Variants in SAMMSON observed in about 807,000 individuals in gnomAD.
SAMMSON encodes the protein long intergenic non-protein coding RNA 1212.
At chr3:70,332,131 A>T (rs1244991824) in intron 7 of SAMMSON, among the ~76,000 whole-genome samples, 5 of 152,242 alleles carry the variant, frequency 3.3e-5, no homozygotes, top group Admixed American at 1.3e-4. Context: ...AATGTAAGAC[A>T]ACTAAGCAGA....
At chr3:70,196,830 C>G (rs1701186345) in intron 4 of SAMMSON, 2 of 397,454 alleles carry the variant, frequency 5.0e-6, no homozygotes, top group East Asian at 7.1e-5. Flanking sequence ...GAAATGTGTA[C>G]AGTCCTTACA....
At chr3:70,320,709 C>G (rs1409690149) in intron 7 of SAMMSON, among the ~76,000 whole-genome samples, 2 of 152,064 alleles carry the variant, frequency 1.3e-5, no homozygotes, top group Non-Finnish European at 2.9e-5. Context: ...CAGACTGTGT[C>G]CGAAATGGGT....
intron 6 of SAMMSON, among the ~76,000 whole-genome samples, chr3:70,278,030 CCTAT>C (rs1435444217): frequency 2.6e-5 from 4 of 152,094 alleles, no homozygotes; most frequent in Non-Finnish European, 4.4e-5. Context: ...AACGTGTACA[CCTAT>C]CTAACCACCA....
At chr3:70,036,070 AT>A (rs2067084096) in intron 3 of SAMMSON, among the ~76,000 whole-genome samples, 1 of 152,134 alleles carries the variant, frequency 6.6e-6, no homozygotes, top group Admixed American at 6.6e-5. Flanking sequence ...AATGGTTTTA[AT>A]TTTTTTAAGC....
At chr3:70,184,139 G>C (rs1247948936) in intron 4 of SAMMSON, 1 of 152,172 alleles carries the variant, frequency 6.6e-6, no homozygotes, top group Non-Finnish European at 1.5e-5. Flanking sequence ...AATACCCAAT[G>C]CAATGTATCA....
intron 9 of SAMMSON, among the ~76,000 whole-genome samples, chr3:70,376,987 A>G (rs1199954630): frequency 5.3e-5 from 8 of 152,186 alleles, no homozygotes; most frequent in Admixed American, 2.6e-4. Context: ...ACTGAAGTAT[A>G]TAAACCTAGA....
chr3:70,182,688 T>G (rs187919465), intron 4 of SAMMSON, among the ~76,000 whole-genome samples: 1 of 152,318 alleles, frequency 6.6e-6, no homozygotes, highest in East Asian at 1.9e-4. Flanking sequence ...GACTCCAACA[T>G]AAATCTAACA....
chr3:70,045,060 TAA>T (rs1188058380), intron 3 of SAMMSON, among the ~76,000 whole-genome samples: 5 of 102,508 alleles, frequency 4.9e-5, no homozygotes, highest in African/African-American at 1.6e-4. Context: ...TAATTAATTA[TAA>T]TATATATTAT....
chr3:70,304,819 T>A (rs1361230168), intron 7 of SAMMSON, among the ~76,000 whole-genome samples: 1 of 152,142 alleles, frequency 6.6e-6, no homozygotes. Flanking sequence ...GCGAAAAAAA[T>A]ATCCAGATTC....
intron 7 of SAMMSON, among the ~76,000 whole-genome samples, chr3:70,304,843 A>G (rs764791497): frequency 3.3e-5 from 5 of 152,168 alleles, no homozygotes; most frequent in Non-Finnish European, 7.4e-5. Context: ...ACTGACCAAC[A>G]AGGTTCTGCA....
chr3:70,066,016 A>C (rs1158442854), intron 3 of SAMMSON, among the ~76,000 whole-genome samples: 1 of 152,130 alleles, frequency 6.6e-6, no homozygotes, highest in Non-Finnish European at 1.5e-5. Context: ...TGTAACCAAA[A>C]TTGATCAATT....
intron 2 of SAMMSON, among the ~76,000 whole-genome samples, chr3:70,414,685 ACGTAATCTTT>A (rs1481500525): frequency 6.6e-6 from 1 of 152,168 alleles, no homozygotes; most frequent in Non-Finnish European, 1.5e-5. Context: ...TAGTTAGATC[ACGTAATCTTT>A]CTGGATCTGT....
intron 7 of SAMMSON, among the ~76,000 whole-genome samples, chr3:70,323,026 G>T: frequency 6.6e-6 from 1 of 151,980 alleles, no homozygotes; most frequent in Non-Finnish European, 1.5e-5. Flanking sequence ...TTGAATTTGG[G>T]GGAAGGATAA....
chr3:70,247,011 G>A (rs1479395324), intron 4 of SAMMSON, among the ~76,000 whole-genome samples: 2 of 151,830 alleles, frequency 1.3e-5, no homozygotes, highest in Admixed American at 6.6e-5. Flanking sequence ...GTGAGTGGTC[G>A]CCTATCTGTT....
chr3:70,429,967 T>C (rs1701400933), intron 2 of SAMMSON, among the ~76,000 whole-genome samples: 1 of 152,188 alleles, frequency 6.6e-6, no homozygotes, highest in African/African-American at 2.4e-5. Context: ...TTTGTTTATC[T>C]TGCCTGATTG....
At chr3:70,355,708 G>A (rs1039506308) in intron 8 of SAMMSON, among the ~76,000 whole-genome samples, 7 of 152,096 alleles carry the variant, frequency 4.6e-5, no homozygotes, top group African/African-American at 1.4e-4. Flanking sequence ...TAATGCAAGC[G>A]TAACTTTTCA....
intron 6 of SAMMSON, among the ~76,000 whole-genome samples, chr3:70,279,734 C>G (rs1322790727): frequency 6.6e-6 from 1 of 152,168 alleles, no homozygotes; most frequent in East Asian, 1.9e-4. Flanking sequence ...TGAGTAGTTG[C>G]CAAGGAGCTG....
At chr3:70,002,580 A>C (rs1307680083) in intron 1 of SAMMSON, among the ~76,000 whole-genome samples, 3 of 152,138 alleles carry the variant, frequency 2.0e-5, no homozygotes, top group Non-Finnish European at 4.4e-5. Context: ...TTATTTTTGA[A>C]GAGGATTATT....
chr3:70,117,322 A>G (rs532521224), intron 4 of SAMMSON, among the ~76,000 whole-genome samples: 5 of 152,240 alleles, frequency 3.3e-5, no homozygotes, highest in Admixed American at 6.5e-5. Flanking sequence ...AGATTTTTCC[A>G]TAGTTGGTTG....
Sources: gnomAD v4.1 joint callset for allele counts (sites outside exome capture counted in the v4.1 genomes callset) on GRCh38, gnomAD v4.1.1 for gene constraint, MANE v1.5 for transcripts, NCBI Gene and HGNC (gene_info 2026-07-23, HGNC 2026-07-21) for gene names.